MARCHF4: variants seen among roughly 807,000 people sequenced by gnomAD.
MARCHF4 encodes the protein E3 ubiquitin-protein ligase MARCHF4.
In MARCHF4, 14 loss-of-function variants were observed where a neutral mutation model predicts 43.9. That is an observed-to-expected ratio of 0.32 (90% CI 0.21 to 0.50). The LOEUF (loss-of-function observed/expected upper bound fraction) is 0.50, where lower values mean the gene tolerates loss of function less well. MARCHF4 is among the 20% of genes least tolerant of loss of function. The pLI is 0.98. For missense variants in MARCHF4, 468 were observed against 536.7 expected (o/e 0.87, Z 1.27); for synonymous variants, 226 against 213.3 (o/e 1.06, Z -0.52).
chr2:216,338,023 C>T (rs937817542), intron 1 of MARCHF4, among the ~76,000 whole-genome samples: 1 of 152,164 alleles, frequency 6.6e-6, no homozygotes, highest in African/African-American at 2.4e-5. Flanking sequence ...TCACAGAGGT[C>T]AGCAGTGACT....
chr2:216,308,184 T>C (rs531630919), intron 1 of MARCHF4, among the ~76,000 whole-genome samples: 46 of 152,334 alleles, frequency 3.0e-4, no homozygotes, highest in African/African-American at 1.1e-3. Context: ...GGCAGATCGC[T>C]TGAGCTCAGG....
chr2:216,336,891 C>T (rs7578414), intron 1 of MARCHF4, among the ~76,000 whole-genome samples: 3,413 of 152,036 alleles, frequency 0.022, 138 homozygotes, highest in African/African-American at 0.078. Flanking sequence ...GTGGCTCACA[C>T]CTGTAATCCC....
chr2:216,295,900 C>A (rs931131202), intron 1 of MARCHF4, among the ~76,000 whole-genome samples: 3 of 152,222 alleles, frequency 2.0e-5, no homozygotes, highest in African/African-American at 7.2e-5. Flanking sequence ...GTAATTCCAG[C>A]ACTGTGGGAG....
intron 1 of MARCHF4, among the ~76,000 whole-genome samples, chr2:216,344,356 G>T (rs1190830703): frequency 2.6e-5 from 4 of 152,134 alleles, no homozygotes; most frequent in Non-Finnish European, 5.9e-5. Flanking sequence ...TGGGGGCGTG[G>T]GTGGAGAAGG....
chr2:216,302,875 G>A (rs1299274027), intron 1 of MARCHF4, among the ~76,000 whole-genome samples: 1 of 142,828 alleles, frequency 7.0e-6, no homozygotes, highest in African/African-American at 2.8e-5. Flanking sequence ...TCCAGCCTGG[G>A]TGACAAGGTG....
At chr2:216,304,723 G>A (rs1196864401) in intron 1 of MARCHF4, among the ~76,000 whole-genome samples, 1 of 152,168 alleles carries the variant, frequency 6.6e-6, no homozygotes, top group Admixed American at 6.5e-5. Flanking sequence ...GGAGGCTGAG[G>A]TGGGCGGATC....
chr2:216,359,725 C>G (rs928296174), intron 1 of MARCHF4, among the ~76,000 whole-genome samples: 14 of 152,220 alleles, frequency 9.2e-5, no homozygotes, highest in Non-Finnish European at 1.5e-4. Flanking sequence ...GTGCCTTTCA[C>G]GCTGAGACCC....
At chr2:216,310,924 C>T (rs563805902) in intron 1 of MARCHF4, among the ~76,000 whole-genome samples, 2 of 152,036 alleles carry the variant, frequency 1.3e-5, no homozygotes, top group Non-Finnish European at 2.9e-5. Context: ...ACATTAACAT[C>T]ACAAGTGATG....
intron 1 of MARCHF4, chr2:216,351,517 A>G (rs1692404317): frequency 6.6e-6 from 1 of 152,122 alleles, no homozygotes; most frequent in Non-Finnish European, 1.5e-5. Context: ...AAATAAATAA[A>G]TAAAATAAAT....
chr2:216,354,402 G>A (rs535887885), intron 1 of MARCHF4, among the ~76,000 whole-genome samples: 28 of 152,276 alleles, frequency 1.8e-4, no homozygotes, highest in Admixed American at 7.8e-4. Context: ...GCAAGTCCAC[G>A]TGGGGTCCTT....
At position 216,259,693 on chromosome 2, in the gene MARCHF4, G is replaced by T. The variant is rs1221019176; in HGVS notation, c.866-14C>A. On this transcript the variant is annotated splice_polypyrimidine_tract_variant and intron_variant, in intron 3 of 3. Transcript: ENST00000273067. ...GGATGATGAGACCTGAGGCAGCAGGGAGAGGAGAAACAGAGGCCAAATGAG... is the reference window on the plus strand; with the variant it reads ...GGATGATGAGACCTGAGGCAGCAGGTAGAGGAGAAACAGAGGCCAAATGAG... The T allele has an allele frequency of 2.5e-6, 4 of 1,609,664 alleles. No individual in the cohort carries two copies. In the African/African-American group the frequency reaches 4.0e-5, roughly 16 times the overall value.
At chr2:216,262,181 C>T (rs1399927507) in intron 3 of MARCHF4, among the ~76,000 whole-genome samples, 1 of 152,088 alleles carries the variant, frequency 6.6e-6, no homozygotes, top group Admixed American at 6.6e-5. Flanking sequence ...ATAATTATCT[C>T]GGAAAGTAGG....
intron 1 of MARCHF4, among the ~76,000 whole-genome samples, chr2:216,286,145 A>G (rs1396031621): frequency 6.6e-6 from 1 of 152,232 alleles, no homozygotes; most frequent in Non-Finnish European, 1.5e-5. Context: ...AGAGGCCAGG[A>G]CTATGCTGCT....
intron 1 of MARCHF4, chr2:216,303,544 C>G (rs1691530156): frequency 6.6e-6 from 1 of 152,312 alleles, no homozygotes; most frequent in African/African-American, 2.4e-5. Context: ...GGCTGGGCCA[C>G]TTGACTGGGA....
chr2:216,263,509 G>GAA lies in MARCHF4; in HGVS notation c.866-3831_866-3830insTT, dbSNP rs869281398. On this transcript the variant is annotated intron_variant, in intron 3 of 3. Coordinates refer to ENST00000273067, the MANE Select transcript of MARCHF4 (RefSeq NM_020814.3). ...GGAGAGAGAAAGAGAGAGAGAGAGA[G>GAA]AGAGAGAGAGAGAGAGAGAGAGAGA... is the stretch of plus-strand genomic sequence containing the variant. Among the ~76,000 whole-genome samples the GAA allele has an allele frequency of 2.7e-3, 105 of 39,536 alleles. 2 individuals carry two copies. The highest frequency in any genetic ancestry group is 0.02 in the Middle Eastern group (1 of 50). The allele number at this position is 39,536 out of a possible 152,430, so 25.9% of individuals were successfully genotyped here. A position where few individuals can be genotyped will look rare whatever the true frequency, so the allele number is the denominator to read the frequency against.
intron 3 of MARCHF4, among the ~76,000 whole-genome samples, chr2:216,269,469 C>T (rs1020495341): frequency 6.6e-6 from 1 of 152,122 alleles, no homozygotes; most frequent in Non-Finnish European, 1.5e-5. Context: ...GAACAAAGAA[C>T]CTTCAAGAAA....
At chr2:216,332,797 G>C (rs1355017433) in intron 1 of MARCHF4, among the ~76,000 whole-genome samples, 1 of 152,168 alleles carries the variant, frequency 6.6e-6, no homozygotes, top group Non-Finnish European at 1.5e-5. Context: ...ATTCAGTGTG[G>C]TATTGAATTA....
chr2:216,320,675 CTT>C (rs749350936), intron 1 of MARCHF4, among the ~76,000 whole-genome samples: 1,080 of 32,866 alleles, frequency 0.033, 11 homozygotes, highest in Middle Eastern at 0.1. Flanking sequence ...TTCTTTCTTT[CTT>C]TTTTTTTTTT....
At chr2:216,282,125 A>C (rs1428980592) in intron 2 of MARCHF4, among the ~76,000 whole-genome samples, 1 of 152,104 alleles carries the variant, frequency 6.6e-6, no homozygotes, top group Non-Finnish European at 1.5e-5. Context: ...TGCTATTTTA[A>C]GACACTTTGA....
Sources: gnomAD v4.1 joint callset for allele counts (sites outside exome capture counted in the v4.1 genomes callset) on GRCh38, gnomAD v4.1.1 for gene constraint, MANE v1.5 for transcripts, NCBI Gene and HGNC (gene_info 2026-07-23, HGNC 2026-07-21) for gene names.